The following DMXL2 variants were observed in gnomAD, a reference collection of about 807,000 sequenced individuals.
The protein encoded by DMXL2 is Dmx like 2, also known as dmX-like protein 2.
A neutral mutation model predicts 331.1 loss-of-function variants in DMXL2; 103 were observed. The ratio of observed to expected loss-of-function variants is 0.31; its 90% CI spans 0.27 to 0.37. The LOEUF is 0.37. Among genes scored for constraint, DMXL2 ranks in the 10% least tolerant of loss-of-function variants. DMXL2 has a pLI of 1.00. For missense variants in DMXL2, 3,171 were observed against 3,642.9 expected (o/e 0.87, Z 3.33); for synonymous variants, 1,281 against 1,252.1 (o/e 1.02, Z -0.49).
intron 28 of DMXL2, among the ~76,000 whole-genome samples, chr15:51,471,842 G>A (rs2041143229): frequency 6.6e-6 from 1 of 152,192 alleles, no homozygotes; most frequent in South Asian, 2.1e-4. Flanking sequence ...GAAGGTTTGG[G>A]TAAATGAGGA....
Position 51,474,350 on chromosome 15 carries a change from T to C in DMXL2, c.7207A>G (p.Ile2403Val), listed in dbSNP as rs1458675556. The C allele has an allele frequency of 6.2e-7, 1 of 1,604,900 alleles. No individual in the cohort carries two copies. Among genetic ancestry groups the C allele is most frequent in the Admixed American group, 1.7e-5 (1 of 59,686 alleles). Residue 2403 changes from isoleucine to valine, a missense_variant, in exon 28 of 44, where the codon ATT becomes GTT. This residue lies in a region of DMXL2 where 766 missense variants were observed against 940.5 expected (regional missense o/e 0.81). Transcript: ENST00000560891. ...VVKPRRQSEN[I>V]SAPPVLSEDI... is the part of the protein sequence containing the mutation. ...GGTATCAAACGTATCTTACCTGAAA[T>C]ATTTTCTGATTGTCTTCGAGGTTTC...
At chr15:51,462,082 T>G (rs978809575) in intron 33 of DMXL2, among the ~76,000 whole-genome samples, 1 of 152,196 alleles carries the variant, frequency 6.6e-6, no homozygotes, top group Non-Finnish European at 1.5e-5. Context: ...CTTCCTCATT[T>G]AAGTATATAA....
intron 2 of DMXL2, 37 bp from the exon 3 acceptor site, chr15:51,568,595 A>G (rs1450762953): frequency 2.2e-6 from 3 of 1,334,972 alleles, no homozygotes; most frequent in Non-Finnish European, 3.1e-6. Context: ...TATCTAGAAA[A>G]GGGTAAAATA....
At chr15:51,528,431 TATATC>T (rs1273592274) in intron 13 of DMXL2, among the ~76,000 whole-genome samples, 1 of 152,140 alleles carries the variant, frequency 6.6e-6, no homozygotes, top group Non-Finnish European at 1.5e-5. Context: ...TAGCTATACT[TATATC>T]AGACAGATAT....
At chr15:51,575,370 C>A (rs953254912) in intron 2 of DMXL2, among the ~76,000 whole-genome samples, 3 of 151,996 alleles carry the variant, frequency 2.0e-5, no homozygotes, top group Admixed American at 1.3e-4. Context: ...CAGGTAAAAA[C>A]CTTATTACTC....
chr15:51,472,252 C>A (rs1595927870), intron 28 of DMXL2, among the ~76,000 whole-genome samples: 1 of 152,254 alleles, frequency 6.6e-6, no homozygotes, highest in African/African-American at 2.4e-5. Context: ...ACCCCAGACA[C>A]AATTCATCAA....
At chr15:51,605,517 C>CT (rs58113467) in intron 1 of DMXL2, among the ~76,000 whole-genome samples, 758 of 22,206 alleles carry the variant, frequency 0.034, 316 homozygotes, top group Middle Eastern at 0.11. Context: ...GATTAATATT[C>CT]TTTTTTTTTT....
chr15:51,530,658 G>A (rs2047950086), intron 13 of DMXL2, among the ~76,000 whole-genome samples: 1 of 152,048 alleles, frequency 6.6e-6, no homozygotes, highest in African/African-American at 2.4e-5. Flanking sequence ...TGGAGGCTGA[G>A]GCAGAAGAAT....
intron 11 of DMXL2, among the ~76,000 whole-genome samples, 170 bp downstream of exon 11, chr15:51,537,318 T>G (rs1250830451): frequency 6.6e-6 from 1 of 152,228 alleles, no homozygotes; most frequent in Non-Finnish European, 1.5e-5. Context: ...TAATCAAGTT[T>G]GCTAAGCTTA....
intron 28 of DMXL2, 135 bp from the exon 29 acceptor site, chr15:51,471,536 TTTTCTAGTTACTGAATCAGC>T (rs1211268542): frequency 2.7e-6 from 2 of 754,430 alleles, no homozygotes; most frequent in East Asian, 5.4e-5. Context: ...GCTTCTAAAC[TTTTCTAGTTACTGAATCAGC>T]TTTCCAGCAG....
chr15:51,464,058 A>C (rs1256300369), intron 32 of DMXL2, among the ~76,000 whole-genome samples: 1 of 152,206 alleles, frequency 6.6e-6, no homozygotes, highest in Admixed American at 6.5e-5. Flanking sequence ...GAAGCACCTT[A>C]TTTGCATATA....
At chr15:51,449,249 C>A (rs2038921981) in intron 43 of DMXL2, 56 bp from the exon 44 acceptor site, 1 of 1,570,354 alleles carries the variant, frequency 6.4e-7, no homozygotes, top group Non-Finnish European at 8.7e-7. Flanking sequence ...AAAGCAAAAA[C>A]ATGGCCCTTC....
At chr15:51,601,253 T>C (rs2053205768) in intron 1 of DMXL2, among the ~76,000 whole-genome samples, 1 of 132,778 alleles carries the variant, frequency 7.5e-6, no homozygotes, top group Non-Finnish European at 1.6e-5. Flanking sequence ...ATTGCACCAC[T>C]GCATTCCAGC....
intron 23 of DMXL2, among the ~76,000 whole-genome samples, chr15:51,481,854 C>T (rs1188097997): frequency 6.6e-6 from 1 of 152,074 alleles, no homozygotes; most frequent in Admixed American, 6.5e-5. Context: ...CCAGGATACA[C>T]TAAGAAAAAG....
At chr15:51,528,118 T>C (rs1470692379) in intron 13 of DMXL2, among the ~76,000 whole-genome samples, 4 of 151,434 alleles carry the variant, frequency 2.6e-5, no homozygotes, top group South Asian at 2.1e-4. Context: ...AAAAACTAAA[T>C]CACACCACCA....
rs2140942120 is a variant in DMXL2, at chr15:51,547,247, A to G, written c.729T>C (p.Thr243=). 1 of 1,610,404 alleles carries G rather than the reference A, an allele frequency of 6.2e-7. No homozygotes were observed. Among genetic ancestry groups the G allele is most frequent in the East Asian group, 2.2e-5 (1 of 44,818 alleles). ...RAVTGFSWRK[T]SKYMPRGSVC... is the part of the protein sequence containing the mutation. ...CATCTAACCTGGGCATATACTTGCT[A>G]GTTTTGCGCCACGAAAAACCTGTCA... is the stretch of plus-strand genomic sequence containing the variant. The change falls in exon 7 of 44, where the codon ACT becomes ACC. Residue 243 remains threonine, a synonymous_variant. Coordinates refer to ENST00000560891, the MANE Select transcript of DMXL2 (RefSeq NM_001378457.1).
rs919687339 is a variant in DMXL2, at chr15:51,454,549, C to T, written c.8604+602G>A. Among the ~76,000 whole-genome samples the T allele has an allele frequency of 5.3e-5, 8 of 152,050 alleles. No homozygotes were observed. The South Asian group carries it at 8.3e-4, about 16-fold the overall frequency. The stretch of plus-strand genomic sequence containing the variant: ...TCTCACTCTGTTGCCCAAGCTAGAG[C>T]GCAGTGGCACAATCTCAGCTCACTG... On this transcript the variant is annotated intron_variant, in intron 40 of 43. Coordinates refer to ENST00000560891, the MANE Select transcript of DMXL2 (RefSeq NM_001378457.1).
chr15:51,594,462 C>T (rs2052635957), intron 1 of DMXL2, among the ~76,000 whole-genome samples: 1 of 152,182 alleles, frequency 6.6e-6, no homozygotes, highest in African/African-American at 2.4e-5. Flanking sequence ...CAGATGGATT[C>T]ACAGCCAAAT....
At chr15:51,606,412 C>A (rs9944263) in intron 1 of DMXL2, among the ~76,000 whole-genome samples, 1 of 151,896 alleles carries the variant, frequency 6.6e-6, no homozygotes, top group Non-Finnish European at 1.5e-5. Flanking sequence ...CCAGGCTGGT[C>A]TCGAACTCCT....
Sources: gnomAD v4.1 joint callset for allele counts (sites outside exome capture counted in the v4.1 genomes callset) on GRCh38, gnomAD v4.1.1 for gene constraint, gnomAD v4.1.1 regional missense constraint, MANE v1.5 for transcripts, NCBI Gene and HGNC (gene_info 2026-07-23, HGNC 2026-07-21) for gene names.